Variants in PTPRM observed in about 807,000 individuals in gnomAD.
The protein encoded by PTPRM is receptor-type tyrosine-protein phosphatase mu.
In PTPRM, 47 loss-of-function variants were observed where a neutral mutation model predicts 186.7. The ratio of observed to expected loss-of-function variants is 0.25; its 90% CI spans 0.20 to 0.32. PTPRM has a LOEUF of 0.32. PTPRM is among the 10% of genes least tolerant of loss of function. The pLI, the probability that PTPRM is intolerant of heterozygous loss-of-function variation, is 1.00. For missense variants in PTPRM, 1,494 were observed against 1,865.0 expected, an observed-to-expected ratio of 0.80 and a Z score of 3.66; for synonymous variants, 668 against 674.9, an observed-to-expected ratio of 0.99 and a Z score of 0.16.
chr18:8,300,726 T>C (rs2095147977), intron 20 of PTPRM, among the ~76,000 whole-genome samples: 1 of 152,148 alleles, frequency 6.6e-6, no homozygotes, highest in Non-Finnish European at 1.5e-5. Flanking sequence ...CTCCATCCCA[T>C]CCCTTCCAGT....
intron 27 of PTPRM, among the ~76,000 whole-genome samples, chr18:8,378,820 T>G (rs762271488): frequency 7.9e-5 from 12 of 152,136 alleles, no homozygotes; most frequent in Non-Finnish European, 1.5e-4. Flanking sequence ...TCCTCACATA[T>G]GCATTTTGTC....
chr18:8,076,519 G>T lies in PTPRM; in HGVS notation c.1506G>T (p.Gln502His), dbSNP rs773361900. 2 of 1,609,608 alleles carry T rather than the reference G, an allele frequency of 1.2e-6. No homozygotes were observed. Among genetic ancestry groups the T allele is most frequent in the Admixed American group, 3.4e-5 (2 of 59,676 alleles). Residue 502 changes from glutamine (Q) to histidine (H), a missense_variant, in exon 9 of 33, where the codon CAG (glutamine) becomes CAT (histidine). This residue lies in a region of PTPRM where 1,107 missense variants were observed against 1,350.2 expected (regional missense o/e 0.82). Transcript: ENST00000580170. ...GSTFEEKIFL[Q>H]WREPTQTYGV... ...CCTTTGAAGAGAAGATATTTCTTCAGTGGAGAGAACCAACTCAAACATATG... is the reference window on the plus strand; with the variant it reads ...CCTTTGAAGAGAAGATATTTCTTCATTGGAGAGAACCAACTCAAACATATG...
intron 2 of PTPRM, among the ~76,000 whole-genome samples, chr18:7,884,663 C>T (rs778677577): frequency 6.6e-6 from 1 of 152,098 alleles, no homozygotes; most frequent in Admixed American, 6.5e-5. Context: ...TGGCTCTTGC[C>T]TGTAATCCCA....
At position 7,637,741 on chromosome 18, in the gene PTPRM, G is replaced by C. The variant is rs192901722; in HGVS notation, c.73+69850G>C. ...AATAAGCAAGATGGACTTGTTGAAA[G>C]TTCCACTGCAGTTTTGGACTTGAGT... On this transcript the variant is annotated intron_variant, in intron 1 of 32. Coordinates refer to ENST00000580170, the MANE Select transcript of PTPRM (RefSeq NM_001105244.2). Among the ~76,000 whole-genome samples, 952 of 152,302 alleles carry C rather than the reference G, an allele frequency of 6.3e-3. 26 individuals carry two copies. The highest frequency in any genetic ancestry group is 3.4e-3 in the Non-Finnish European group (232 of 68,018).
At chr18:7,615,329 G>T (rs2037775872) in intron 1 of PTPRM, among the ~76,000 whole-genome samples, 1 of 151,868 alleles carries the variant, frequency 6.6e-6, no homozygotes, top group African/African-American at 2.4e-5. Flanking sequence ...TTTTTTCAAG[G>T]ATCATGCTTA....
In PTPRM at chr18:7,734,171, CA is replaced by C. The variant is rs200363554; in HGVS notation, c.74-39975del. Among the ~76,000 whole-genome samples the C allele has an allele frequency of 4.7e-3, 712 of 152,268 alleles. 4 individuals carry two copies. The highest frequency in any genetic ancestry group is 0.016 in the African/African-American group (653 of 41,542). On this transcript the variant is annotated intron_variant, in intron 1 of 32. Coordinates refer to ENST00000580170, the MANE Select transcript of PTPRM (RefSeq NM_001105244.2). ...TCACTAGGACAATGGGCCCAGAGGA[CA>C]AATGAGTAATCTTCATTTCGAGTAC...
intron 7 of PTPRM, among the ~76,000 whole-genome samples, chr18:8,050,755 G>A (rs551956623): frequency 6.6e-6 from 1 of 152,258 alleles, no homozygotes; most frequent in South Asian, 2.1e-4. Flanking sequence ...GTGTCTTGAG[G>A]AAGGAAGGGG....
intron 23 of PTPRM, chr18:8,366,836 G>C (rs2095632364): frequency 6.6e-6 from 1 of 152,226 alleles, no homozygotes. Context: ...TTGCTTTCTG[G>C]GCTGGAGGCT....
At chr18:8,208,080 G>A (rs376989312) in intron 14 of PTPRM, among the ~76,000 whole-genome samples, 1 of 152,210 alleles carries the variant, frequency 6.6e-6, no homozygotes, top group African/African-American at 2.4e-5. Context: ...GAACCTCAGG[G>A]AGCAACAAAG....
At chr18:7,762,218 G>A (rs965344615) in intron 1 of PTPRM, among the ~76,000 whole-genome samples, 9 of 152,104 alleles carry the variant, frequency 5.9e-5, no homozygotes, top group African/African-American at 2.2e-4. Context: ...CACATGGGAA[G>A]GAGTGATTGA....
intron 30 of PTPRM, among the ~76,000 whole-genome samples, chr18:8,384,928 T>G (rs773440158): frequency 6.6e-6 from 1 of 152,164 alleles, no homozygotes; most frequent in East Asian, 1.9e-4. Flanking sequence ...TCACGATAGG[T>G]GCAGGGACCC....
intron 1 of PTPRM, among the ~76,000 whole-genome samples, chr18:7,662,337 A>G (rs964476077): frequency 1.3e-5 from 2 of 152,236 alleles, no homozygotes; most frequent in African/African-American, 4.8e-5. Flanking sequence ...ATGAATGGAT[A>G]AAGAAAATAT....
At chr18:8,088,573 G>A (rs980434375) in intron 10 of PTPRM, among the ~76,000 whole-genome samples, 176 bp from the exon 11 acceptor site, 1 of 152,192 alleles carries the variant, frequency 6.6e-6, no homozygotes, top group African/African-American at 2.4e-5. Context: ...GCTTTTAGCA[G>A]CTGTCCCTGT....
At chr18:7,609,600 G>C (rs972589429) in intron 1 of PTPRM, among the ~76,000 whole-genome samples, 1 of 146,632 alleles carries the variant, frequency 6.8e-6, no homozygotes, top group Non-Finnish European at 1.5e-5. Flanking sequence ...GATATTTACT[G>C]TCCGTGGAAC....
intron 7 of PTPRM, among the ~76,000 whole-genome samples, chr18:8,055,652 G>A (rs145956633): frequency 0.021 from 3,220 of 152,194 alleles, 66 homozygotes; most frequent in Admixed American, 0.034. Context: ...TTTTGACTCT[G>A]TCAGGGCATC....
intron 14 of PTPRM, among the ~76,000 whole-genome samples, chr18:8,202,372 G>A (rs376967243): frequency 1.9e-4 from 29 of 152,228 alleles, no homozygotes; most frequent in Non-Finnish European, 3.5e-4. Flanking sequence ...GAAGAGGGGC[G>A]TCTCTGCCAT....
At chr18:8,202,943 C>T (rs561764120) in intron 14 of PTPRM, among the ~76,000 whole-genome samples, 27 of 152,218 alleles carry the variant, frequency 1.8e-4, no homozygotes, top group Non-Finnish European at 2.6e-4. Flanking sequence ...CATGAAGGGA[C>T]TGCTAAACTC....
In PTPRM at chr18:7,949,291, C is replaced by T; in HGVS notation, c.774C>T (p.Tyr258=). The change falls in exon 6 of 33, where the codon TAC becomes TAT. Residue 258 remains tyrosine (Y), a synonymous_variant. Transcript: ENST00000580170. ...CCACCAAACGAGATGCTGGAAAGTA[C>T]CGCTGCATGATTCGCACTGAAGGAG... The part of the protein sequence containing the change: ...VNTTKRDAGK[Y]RCMIRTEGGV... The T allele has an allele frequency of 6.8e-6, 11 of 1,614,048 alleles. No homozygotes were observed. The highest frequency in any genetic ancestry group is 8.5e-6 in the Non-Finnish European group (10 of 1,179,946).
chr18:7,895,022 G>A (rs2049279056), intron 3 of PTPRM, among the ~76,000 whole-genome samples: 1 of 152,146 alleles, frequency 6.6e-6, no homozygotes, highest in African/African-American at 2.4e-5. Flanking sequence ...TTCTTTTAAA[G>A]GAATTTCATA....
Sources: allele counts gnomAD v4.1 joint callset (sites outside exome capture counted in the v4.1 genomes callset), GRCh38; gene constraint gnomAD v4.1.1; regional missense constraint gnomAD v4.1.1; transcripts MANE v1.5; gene names NCBI Gene and HGNC (gene_info 2026-07-23, HGNC 2026-07-21).